Variants in HFM1 observed in about 807,000 individuals in gnomAD.
HFM1 encodes the protein probable ATP-dependent DNA helicase HFM1.
Under a neutral mutation model 192.1 loss-of-function variants are expected in HFM1, and 169 were observed. The observed-to-expected ratio is 0.88, with a 90% CI of 0.78 to 1.00. HFM1 has a LOEUF of 1.00. Among genes scored for constraint, HFM1 ranks in the 50% least tolerant of loss-of-function variants. The probability of loss-of-function intolerance (pLI) is 0.00; values close to 1 mark genes in which losing one functional copy is unlikely to be tolerated. For missense variants in HFM1, 1,661 were observed against 1,668.0 expected (o/e 1.00, Z 0.07); for synonymous variants, 525 against 537.8 (o/e 0.98, Z 0.33).
intron 7 of HFM1, 83 bp from the exon 8 acceptor site, chr1:91,380,319 A>G (rs964360809): frequency 3.8e-5 from 32 of 842,610 alleles, no homozygotes; most frequent in African/African-American, 3.4e-4. Flanking sequence ...AAGTCTTAGT[A>G]AGAATCTAAG....
At chr1:91,328,109 TAATA>T (rs1322479847) in intron 20 of HFM1, among the ~76,000 whole-genome samples, 2 of 151,566 alleles carry the variant, frequency 1.3e-5, no homozygotes, top group African/African-American at 2.4e-5. Context: ...AGAAAAGAAA[TAATA>T]AATGTCAGAG....
At chr1:91,298,637 A>C (rs1020452300) in intron 30 of HFM1, among the ~76,000 whole-genome samples, 6 of 152,204 alleles carry the variant, frequency 3.9e-5, no homozygotes, top group Admixed American at 2.0e-4. Context: ...AATATTCAAC[A>C]TTCTTAAAGA....
chr1:91,290,483 T>C (rs1249017660), intron 30 of HFM1, among the ~76,000 whole-genome samples: 1 of 152,140 alleles, frequency 6.6e-6, no homozygotes, highest in East Asian at 1.9e-4. Flanking sequence ...AAGGGACCAA[T>C]TCAACAAGAA....
chr1:91,323,403 T>C (rs1253158914), intron 21 of HFM1, among the ~76,000 whole-genome samples: 1 of 152,210 alleles, frequency 6.6e-6, no homozygotes, highest in South Asian at 2.1e-4. Flanking sequence ...ACTCCTATTA[T>C]ATACCAGACA....
At chr1:91,397,864 C>T (rs1406164697) in intron 2 of HFM1, among the ~76,000 whole-genome samples, 1 of 152,166 alleles carries the variant, frequency 6.6e-6, no homozygotes, top group Non-Finnish European at 1.5e-5. Context: ...GGACAATACC[C>T]ATGAAATGTT....
intron 4 of HFM1, among the ~76,000 whole-genome samples, chr1:91,389,042 C>G (rs974519134): frequency 6.6e-6 from 1 of 151,688 alleles, no homozygotes; most frequent in Non-Finnish European, 1.5e-5. Context: ...TGAAAATATT[C>G]TTAACATTAT....
chr1:91,317,134 G>A (rs1475884154), intron 25 of HFM1, among the ~76,000 whole-genome samples: 1 of 151,992 alleles, frequency 6.6e-6, no homozygotes, highest in East Asian at 1.9e-4. Flanking sequence ...ATCAAATTCG[G>A]TTGGGCCCAG....
At chr1:91,294,733 T>C (rs1240314740) in intron 30 of HFM1, among the ~76,000 whole-genome samples, 2 of 152,348 alleles carry the variant, frequency 1.3e-5, no homozygotes, top group East Asian at 3.9e-4. Context: ...CCACAATTTA[T>C]TTGTCCATCT....
At chr1:91,366,679 C>T (rs1400628941) in intron 13 of HFM1, among the ~76,000 whole-genome samples, 1 of 152,204 alleles carries the variant, frequency 6.6e-6, no homozygotes, top group Non-Finnish European at 1.5e-5. Flanking sequence ...CTCCAGTCTA[C>T]ACCTCCCAGC....
At chr1:91,265,970 G>A (rs746489741) in intron 36 of HFM1, 47 bp downstream of exon 36, 7 of 1,580,014 alleles carry the variant, frequency 4.4e-6, no homozygotes, top group South Asian at 3.5e-5. Context: ...TATGTGTCAA[G>A]GGGATATAAA....
chr1:91,281,885 C>T (rs1667493013), intron 30 of HFM1, among the ~76,000 whole-genome samples: 3 of 152,162 alleles, frequency 2.0e-5, no homozygotes, highest in Admixed American at 2.0e-4. Flanking sequence ...AACCACTGTG[C>T]CTGGCTTCCC....
Position 91,307,909 on chromosome 1 carries a change from GGTT to G in HFM1, c.3391+5437_3391+5439del, listed in dbSNP as rs1200751605. On this transcript the variant is annotated intron_variant, in intron 30 of 38. Transcript: ENST00000370425. The stretch of plus-strand genomic sequence containing the variant: ...ATATTTTCCACTGGGCAGAAACCTA[GGTT>G]GGTAGCATTTTGAATATGACATTCC... Among the ~76,000 whole-genome samples the G allele has an allele frequency of 2.6e-5, 4 of 152,074 alleles. No homozygotes were observed. The East Asian group carries it at 7.7e-4, about 29-fold the overall frequency.
At chr1:91,264,361 A>ATTGTTTTTTTTTTTT (rs1665483010) in intron 36 of HFM1, among the ~76,000 whole-genome samples, 1 of 57,058 alleles carries the variant, frequency 1.8e-5, no homozygotes, top group Non-Finnish European at 3.0e-5. Context: ...CAAATTTAGT[A>ATTGTTTTTTTTTTTT]TTTTTTTTTT....
At chr1:91,339,041 A>T (rs1654987107) in intron 20 of HFM1, 1 of 455,256 alleles carries the variant, frequency 2.2e-6, no homozygotes. Context: ...CCAGAAACAA[A>T]GCCAGTCAAC....
intron 30 of HFM1, among the ~76,000 whole-genome samples, chr1:91,277,652 ATAC>A (rs1666984033): frequency 7.6e-6 from 1 of 132,140 alleles, no homozygotes; most frequent in South Asian, 2.1e-4. Flanking sequence ...TATATAATAT[ATAC>A]TAATATATAT....
chr1:91,282,347 C>A (rs1557773696), intron 30 of HFM1, among the ~76,000 whole-genome samples: 1 of 151,162 alleles, frequency 6.6e-6, no homozygotes, highest in Non-Finnish European at 1.5e-5. Context: ...AAATGGCATC[C>A]TATTCAGTTT....
In HFM1 at chr1:91,401,113, C is replaced by G. The variant is rs184842858; in HGVS notation, c.-27-4G>C. 3.2e-6 allele frequency: 4 copies of G among 1,245,254 alleles called. No homozygotes were observed. Among genetic ancestry groups the G allele is most frequent in the Non-Finnish European group, 2.3e-6 (2 of 880,904 alleles). The allele number at this position is 1,245,254 out of a possible 1,614,324, so 77.1% of individuals were successfully genotyped here. A position where few individuals can be genotyped will look rare whatever the true frequency, so the allele number is the denominator to read the frequency against. On this transcript the variant is annotated splice_region_variant and splice_polypyrimidine_tract_variant and intron_variant, in intron 1 of 38. Transcript: ENST00000370425. Reference sequence around the variant, plus strand: ...AAAACTGGACTTTGTCATAAATCTACAAAATATGGAAAAAGTAGTTTATAT... The same window carrying G: ...AAAACTGGACTTTGTCATAAATCTAGAAAATATGGAAAAAGTAGTTTATAT...
At chr1:91,354,709 A>T (rs768671875) in intron 13 of HFM1, among the ~76,000 whole-genome samples, 4 of 152,140 alleles carry the variant, frequency 2.6e-5, no homozygotes, top group African/African-American at 7.2e-5. Flanking sequence ...CTGAAAGAAG[A>T]CAATATTGCC....
intron 13 of HFM1, among the ~76,000 whole-genome samples, chr1:91,370,629 A>G (rs956296234): frequency 5.3e-5 from 8 of 152,192 alleles, no homozygotes; most frequent in Non-Finnish European, 1.0e-4. Context: ...CCCACAGCCA[A>G]TATCATACTG....
Sources: allele counts gnomAD v4.1 joint callset (sites outside exome capture counted in the v4.1 genomes callset), GRCh38; gene constraint gnomAD v4.1.1; transcripts MANE v1.5; gene names NCBI Gene and HGNC (gene_info 2026-07-23, HGNC 2026-07-21).